Variants in CNTN4 observed in about 807,000 individuals in gnomAD.
CNTN4 encodes the protein contactin 4.
In CNTN4, 77 loss-of-function variants were observed where a neutral mutation model predicts 122.5. The observed-to-expected ratio is 0.63, with a 90% CI of 0.52 to 0.76. The LOEUF (loss-of-function observed/expected upper bound fraction) is 0.76. Among genes scored for constraint, CNTN4 ranks in the 30% least tolerant of loss-of-function variants. The pLI, the probability that CNTN4 is intolerant of heterozygous loss-of-function variation, is 0.00. For missense variants in CNTN4, 1,256 were observed against 1,259.1 expected (o/e 1.00, Z 0.04); for synonymous variants, 512 against 447.0 (o/e 1.15, Z -1.83).
chr3:2,612,312 G>A (rs531377239), intron 4 of CNTN4, among the ~76,000 whole-genome samples: 134 of 152,140 alleles, frequency 8.8e-4, no homozygotes, highest in South Asian at 2.1e-3. Flanking sequence ...GCCTACATTG[G>A]TCAAAATCAT....
At chr3:2,526,919 ACTG>A (rs2077417682) in intron 3 of CNTN4, among the ~76,000 whole-genome samples, 7 of 152,064 alleles carry the variant, frequency 4.6e-5, no homozygotes, top group Admixed American at 2.0e-4. Context: ...TTGCTTAGCC[ACTG>A]CCCAAATCTC....
At chr3:2,843,398 A>G (rs139288457) in intron 7 of CNTN4, among the ~76,000 whole-genome samples, 84 of 152,232 alleles carry the variant, frequency 5.5e-4, no homozygotes, top group African/African-American at 1.9e-3. Flanking sequence ...CTTGATCACA[A>G]GAGCTTCCTA....
At chr3:2,929,660 G>T (rs1490920019) in intron 13 of CNTN4, among the ~76,000 whole-genome samples, 2 of 152,102 alleles carry the variant, frequency 1.3e-5, no homozygotes, top group African/African-American at 2.4e-5. Flanking sequence ...GGCTGTTTTG[G>T]CTTCTTTTCC....
At chr3:2,797,303 A>C (rs1258197712) in intron 6 of CNTN4, among the ~76,000 whole-genome samples, 1 of 152,152 alleles carries the variant, frequency 6.6e-6, no homozygotes, top group East Asian at 1.9e-4. Context: ...CCAGAATGTT[A>C]ATTTAGAAAG....
intron 3 of CNTN4, among the ~76,000 whole-genome samples, chr3:2,545,241 T>C (rs2078195037): frequency 6.6e-6 from 1 of 152,066 alleles, no homozygotes; most frequent in African/African-American, 2.4e-5. Context: ...TGCTACAATT[T>C]TGAGTTTTTT....
At chr3:2,370,439 A>G (rs927102292) in intron 3 of CNTN4, among the ~76,000 whole-genome samples, 1 of 152,198 alleles carries the variant, frequency 6.6e-6, no homozygotes. Flanking sequence ...TACCATAGTC[A>G]AGTATAATGA....
intron 4 of CNTN4, among the ~76,000 whole-genome samples, chr3:2,694,321 G>A (rs1213704239): frequency 2.0e-5 from 3 of 151,762 alleles, no homozygotes; most frequent in African/African-American, 7.3e-5. Flanking sequence ...AAATTAGTAA[G>A]TATTTGTTGA....
At chr3:2,299,532 T>C (rs2042430521) in intron 2 of CNTN4, among the ~76,000 whole-genome samples, 1 of 152,140 alleles carries the variant, frequency 6.6e-6, no homozygotes, top group Admixed American at 6.5e-5. Flanking sequence ...AAGCTCATAT[T>C]ATTGAAGACT....
intron 2 of CNTN4, among the ~76,000 whole-genome samples, chr3:2,200,141 G>A (rs571583710): frequency 1.3e-5 from 2 of 152,230 alleles, no homozygotes; most frequent in African/African-American, 2.4e-5. Flanking sequence ...GGGATCCTCC[G>A]TAGGAAGTTA....
intron 4 of CNTN4, among the ~76,000 whole-genome samples, chr3:2,706,471 G>T (rs1166422158): frequency 3.3e-5 from 5 of 152,150 alleles, no homozygotes; most frequent in Admixed American, 3.3e-4. Context: ...TGACTCTGAA[G>T]TCACATTTGC....
chr3:2,351,729 C>A (rs1443294947), intron 3 of CNTN4, among the ~76,000 whole-genome samples: 2 of 150,958 alleles, frequency 1.3e-5, no homozygotes, highest in Non-Finnish European at 2.9e-5. Context: ...AGAAAGCAAA[C>A]CATAGATAAG....
At chr3:2,987,679 C>T (rs1694701039) in intron 13 of CNTN4, among the ~76,000 whole-genome samples, 2 of 152,202 alleles carry the variant, frequency 1.3e-5, no homozygotes, top group Admixed American at 1.3e-4. Flanking sequence ...CAAAATTCTT[C>T]CTCTTCCAGA....
rs146046458 is a variant in CNTN4, at chr3:2,806,403, T to C, written c.359-13083T>C. On this transcript the variant is annotated intron_variant, in intron 6 of 24. Transcript: ENST00000418658. ...TCCACACATGGCACCACAAGTAATA[T>C]TGACGAAGGGAGGGCTGTCAGGCCG... 6.5e-3 allele frequency among the ~76,000 whole-genome samples: 992 copies of C among 152,260 alleles called. 10 individuals are homozygous for C. The highest frequency in any genetic ancestry group is 0.022 in the African/African-American group (934 of 41,544).
chr3:2,785,516 A>T (rs1349205401), intron 6 of CNTN4, among the ~76,000 whole-genome samples: 1 of 152,212 alleles, frequency 6.6e-6, no homozygotes, highest in Admixed American at 6.5e-5. Flanking sequence ...ATTACAACAC[A>T]TCCAGAAATA....
At chr3:2,528,641 T>C (rs1468678356) in intron 3 of CNTN4, among the ~76,000 whole-genome samples, 1 of 152,172 alleles carries the variant, frequency 6.6e-6, no homozygotes, top group African/African-American at 2.4e-5. Flanking sequence ...TTATTGAGAT[T>C]ATAGGTGGTG....
intron 13 of CNTN4, among the ~76,000 whole-genome samples, chr3:2,961,090 C>A (rs113582334): frequency 1.6e-5 from 2 of 122,930 alleles, no homozygotes; most frequent in African/African-American, 5.8e-5. Flanking sequence ...ATTAGCCGGG[C>A]GTGGTGATGG....
At chr3:2,892,350 T>C (rs978611328) in intron 10 of CNTN4, 3 of 152,188 alleles carry the variant, frequency 2.0e-5, no homozygotes, top group African/African-American at 7.2e-5. Flanking sequence ...ATAGTGAGAA[T>C]GCTCTATGTT....
At chr3:2,826,606 A>G (rs906301026) in intron 7 of CNTN4, among the ~76,000 whole-genome samples, 20 of 152,076 alleles carry the variant, frequency 1.3e-4, no homozygotes, top group Admixed American at 1.2e-3. Flanking sequence ...TCTGAGCCCT[A>G]TTTCTTCATA....
At chr3:2,247,878 A>T (rs960561640) in intron 2 of CNTN4, among the ~76,000 whole-genome samples, 1 of 151,992 alleles carries the variant, frequency 6.6e-6, no homozygotes, top group African/African-American at 2.4e-5. Flanking sequence ...AATTTTCTCT[A>T]CAATTCTCTC....
Sources: gnomAD v4.1 joint callset for allele counts (sites outside exome capture counted in the v4.1 genomes callset) on GRCh38, gnomAD v4.1.1 for gene constraint, MANE v1.5 for transcripts, NCBI Gene and HGNC (gene_info 2026-07-23, HGNC 2026-07-21) for gene names.